ANKRD44: variants seen among roughly 807,000 people sequenced by gnomAD.
The protein encoded by ANKRD44 is ankyrin repeat domain 44, also known as serine/threonine-protein phosphatase 6 regulatory ankyrin repeat subunit B.
Under a neutral mutation model 116.0 loss-of-function variants are expected in ANKRD44, and 35 were observed. The observed-to-expected ratio is 0.30, with a 90% CI of 0.23 to 0.40. ANKRD44 has a LOEUF of 0.40. ANKRD44 is among the 10% of genes least tolerant of loss of function. The pLI, the probability that ANKRD44 is intolerant of heterozygous loss-of-function variation, is 1.00. For missense variants in ANKRD44, 1,014 were observed against 1,242.6 expected (o/e 0.82, Z 2.77); for synonymous variants, 435 against 461.8 (o/e 0.94, Z 0.74).
intron 5 of ANKRD44, 144 bp from the exon 6 acceptor site, chr2:197,125,612 G>T: frequency 2.2e-6 from 2 of 895,478 alleles, no homozygotes; most frequent in African/African-American, 1.6e-5. Flanking sequence ...GAAATATGAT[G>T]TCAGAGCAGG....
rs2081097017 is a variant in ANKRD44 at position 197,201,792 on chromosome 2, T to C, written c.28-14686A>G. On this transcript the variant is annotated intron_variant, in intron 1 of 27. Transcript: ENST00000282272. The surrounding 1 kb of genome is among the most constrained non-coding windows in gnomAD (Gnocchi z 4.0). ...CCCATCGCCCAAGTAGTGAACATAG[T>C]GCCCCATAGGTAGTTTTTAATCTCT... Among the ~76,000 whole-genome samples the C allele has an allele frequency of 6.6e-6, 1 of 152,204 alleles. No homozygotes were observed. Among genetic ancestry groups the C allele is most frequent in the Non-Finnish European group, 1.5e-5 (1 of 68,036 alleles).
In ANKRD44 at chr2:197,064,192, A is replaced by G. The variant is rs186808011; in HGVS notation, c.1650+14511T>C. Reference sequence around the variant, plus strand: ...ATCTTCAACCCAGAACTTCATATCCAGCCAAACTAAGCTTCATAAGTGAAG... The same window carrying G: ...ATCTTCAACCCAGAACTTCATATCCGGCCAAACTAAGCTTCATAAGTGAAG... On this transcript the variant is annotated intron_variant, in intron 16 of 27. Coordinates refer to ENST00000282272, the MANE Select transcript of ANKRD44 (RefSeq NM_001195144.2). Among the ~76,000 whole-genome samples the G allele has an allele frequency of 4.4e-3, 672 of 152,342 alleles. 4 individuals carry two copies. The highest frequency in any genetic ancestry group is 0.016 in the African/African-American group (652 of 41,564).
chr2:197,193,966 G>A (rs2080887159), intron 1 of ANKRD44, among the ~76,000 whole-genome samples: 2 of 152,156 alleles, frequency 1.3e-5, no homozygotes, highest in South Asian at 4.1e-4. Context: ...TGCCTGGTGT[G>A]CACGCAATAA....
At chr2:197,184,052 G>A (rs1477894478) in intron 2 of ANKRD44, among the ~76,000 whole-genome samples, 1 of 152,146 alleles carries the variant, frequency 6.6e-6, no homozygotes, top group African/African-American at 2.4e-5. Context: ...TGGAAAGGGT[G>A]CCATCTCACT....
intron 1 of ANKRD44, among the ~76,000 whole-genome samples, chr2:197,274,263 C>G (rs1292726604): frequency 1.3e-5 from 2 of 152,076 alleles, no homozygotes; most frequent in Non-Finnish European, 2.9e-5. Context: ...GTTTCCTCAT[C>G]TATAAAATGG....
At chr2:197,077,766 C>T (rs929329940) in intron 16 of ANKRD44, 10 of 152,096 alleles carry the variant, frequency 6.6e-5, no homozygotes, top group African/African-American at 1.9e-4. Context: ...CCGGTCTGTT[C>T]GACTGACAGT....
chr2:197,148,190 A>C (rs2079554131), intron 2 of ANKRD44, among the ~76,000 whole-genome samples: 1 of 152,220 alleles, frequency 6.6e-6, no homozygotes, highest in Non-Finnish European at 1.5e-5. Context: ...GCTCCATACG[A>C]AGCCCATTAT....
At chr2:196,995,482 T>TAAAGAAA (rs767319054) in intron 25 of ANKRD44, 21 bp from the exon 26 acceptor site, 4 of 1,541,546 alleles carry the variant, frequency 2.6e-6, no homozygotes, top group Admixed American at 1.8e-5. Flanking sequence ...AAAAGAATGA[T>TAAAGAAA]AAGAAATGCA....
chr2:197,153,506 C>T (rs999694925), intron 2 of ANKRD44, among the ~76,000 whole-genome samples: 3 of 151,824 alleles, frequency 2.0e-5, no homozygotes, highest in African/African-American at 4.8e-5. Flanking sequence ...AGGAGCCAAA[C>T]GACACAAAAT....
chr2:197,058,789 G>GT (rs1353588574), intron 16 of ANKRD44, among the ~76,000 whole-genome samples: 1 of 152,210 alleles, frequency 6.6e-6, no homozygotes, highest in Non-Finnish European at 1.5e-5. Context: ...CTCAGTTGAA[G>GT]TCCTGCACTG....
intron 1 of ANKRD44, among the ~76,000 whole-genome samples, chr2:197,210,518 A>G (rs932040671): frequency 1.3e-5 from 2 of 152,232 alleles, no homozygotes; most frequent in African/African-American, 4.8e-5. Flanking sequence ...TCCTCTGGGA[A>G]AGCATCAAAG....
chr2:196,974,900 A>AG (rs1168121622), intron 21 of ANKRD44, among the ~76,000 whole-genome samples: 2 of 152,010 alleles, frequency 1.3e-5, no homozygotes, highest in Non-Finnish European at 2.9e-5. Flanking sequence ...AAAAAAAAAA[A>AG]GAAAAAGAAA....
chr2:196,970,526 A>T (rs1399085442), intron 21 of ANKRD44, among the ~76,000 whole-genome samples: 2 of 152,064 alleles, frequency 1.3e-5, no homozygotes, highest in African/African-American at 4.8e-5. Flanking sequence ...CTCTTTAGCT[A>T]TGGAGCTTAG....
intron 1 of ANKRD44, among the ~76,000 whole-genome samples, chr2:197,308,114 T>G (rs1404775402): frequency 1.3e-5 from 2 of 148,672 alleles, no homozygotes; most frequent in Admixed American, 1.4e-4. Context: ...AAGGCTGTAG[T>G]GAGCCATGAT....
rs533320142 is a variant in ANKRD44, at chr2:196,990,666, T to C, written c.2924-1017A>G. Reference sequence around the variant, plus strand: ...CAACACAGGTGATCAAAGAAAAGCTTCTACAGTCCAAAGTCAAAACGTTTC... The same window carrying C: ...CAACACAGGTGATCAAAGAAAAGCTCCTACAGTCCAAAGTCAAAACGTTTC... On this transcript the variant is annotated intron_variant, in intron 27 of 27. Coordinates refer to ENST00000282272, the MANE Select transcript of ANKRD44 (RefSeq NM_001195144.2). The C allele has an allele frequency of 9.7e-6, 12 of 1,232,132 alleles. No individual in the cohort carries two copies. The East Asian group carries it at 3.2e-4, about 32-fold the overall frequency. The allele number at this position is 1,232,132 out of a possible 1,614,324, so 76.3% of individuals were successfully genotyped here.
Position 197,022,383 on chromosome 2 carries a change from C to A in ANKRD44, c.1722+2813G>T, listed in dbSNP as rs138047797. ...GACTCAACATAGAAACTAAAGTGAT[C>A]CTTTTAAAACAAAAGTCACATCATA... On this transcript the variant is annotated intron_variant, in intron 17 of 27. Transcript: ENST00000282272. Among the ~76,000 whole-genome samples the A allele has an allele frequency of 1.1e-3, 166 of 152,296 alleles. 1 individual carries two copies. Among genetic ancestry groups the A allele is most frequent in the African/African-American group, 3.7e-3 (152 of 41,566 alleles).
At chr2:197,107,804 G>A (rs987474145) in intron 9 of ANKRD44, among the ~76,000 whole-genome samples, 2 of 152,218 alleles carry the variant, frequency 1.3e-5, no homozygotes, top group Non-Finnish European at 2.9e-5. Flanking sequence ...CTAGGGGCAT[G>A]AGCTTCTGGA....
At chr2:197,297,831 G>A (rs776310481) in intron 1 of ANKRD44, among the ~76,000 whole-genome samples, 6 of 152,180 alleles carry the variant, frequency 3.9e-5, no homozygotes, top group South Asian at 2.1e-4. Flanking sequence ...TGGCTGCTAC[G>A]AAAAGGAGCA....
chr2:197,081,603 G>A (rs371229244), intron 15 of ANKRD44, 42 bp downstream of exon 15: 162 of 1,566,384 alleles, frequency 1.0e-4, no homozygotes, highest in Non-Finnish European at 1.4e-4. Context: ...CAGAAGAAGC[G>A]TCAGAAATGG....
Sources: allele counts gnomAD v4.1 joint callset (sites outside exome capture counted in the v4.1 genomes callset), GRCh38; gene constraint gnomAD v4.1.1; non-coding constraint Gnocchi (gnomAD v3.1); transcripts MANE v1.5; gene names NCBI Gene and HGNC (gene_info 2026-07-23, HGNC 2026-07-21).